WDTC1: variants seen among roughly 807,000 people sequenced by gnomAD.
WDTC1 encodes the protein WD and tetratricopeptide repeats protein 1.
WDTC1 carries 12 observed loss-of-function variants against 76.0 expected under a neutral mutation model. The observed-to-expected ratio is 0.16, with a 90% confidence interval of 0.10 to 0.26. The LOEUF (loss-of-function observed/expected upper bound fraction) is 0.26, where lower values mean the gene tolerates loss of function less well. WDTC1 is among the 10% of genes least tolerant of loss of function. WDTC1 has a pLI of 1.00. For missense variants in WDTC1, 511 were observed against 908.8 expected (o/e 0.56, Z 5.63); for synonymous variants, 326 against 350.8 (o/e 0.93, Z 0.79).
chr1:27,253,514 CTTTT>C (rs544974118), intron 1 of WDTC1, among the ~76,000 whole-genome samples: 25 of 129,942 alleles, frequency 1.9e-4, no homozygotes, highest in African/African-American at 6.5e-4. Context: ...TTCTTTCTTT[CTTTT>C]TTTTTTTTTT....
At chr1:27,278,405 T>G (rs2013091274) in intron 3 of WDTC1, among the ~76,000 whole-genome samples, 1 of 152,206 alleles carries the variant, frequency 6.6e-6, no homozygotes. Context: ...CTAGGAACTA[T>G]TCATTAATTC....
Position 27,303,466 on chromosome 1 carries a change from T to C in WDTC1, c.1469-155T>C, listed in dbSNP as rs1432147744. Among the ~76,000 whole-genome samples the C allele has an allele frequency of 6.6e-6, 1 of 152,180 alleles. No homozygotes were observed. The highest frequency in any genetic ancestry group is 1.5e-5 in the Non-Finnish European group (1 of 68,028). ...AGGGGCTAGATCCAAAGATGCATCT[T>C]CCTCACAACCTTTCCCCAGTTTTCC... On this transcript the variant is annotated intron_variant, in intron 13 of 15. Transcript: ENST00000319394. This position sits in a 1 kb window ranked among gnomAD's most constrained non-coding sequence, Gnocchi z 4.8.
Position 27,254,492 on chromosome 1 carries a change from G to A in WDTC1, c.-99-6464G>A, listed in dbSNP as rs984089386. ...TGCACTCCTGTAATCTCAGCTACTT[G>A]GGAGGCTGAGGCACGGAACCGCTTG... is the stretch of plus-strand genomic sequence containing the variant. On this transcript the variant is annotated intron_variant, in intron 1 of 15. Transcript: ENST00000319394. Among the ~76,000 whole-genome samples, 8 of 152,042 alleles carry A rather than the reference G, an allele frequency of 5.3e-5. No individual in the cohort carries two copies. The South Asian group carries it at 1.7e-3, about 31-fold the overall frequency.
Position 27,234,861 on chromosome 1 carries a change from GCC to G in WDTC1, c.-185_-184del, listed in dbSNP as rs1050862965. ...CCCCAGCCCCCTCCCCGGGATCCGC[GCC>G]CCCCTTCCCGGGAGAGGGGCCGCCC... On this transcript the variant is annotated 5_prime_UTR_variant, in exon 1 of 16. Transcript: ENST00000319394. 2 of 396,250 alleles carry G rather than the reference GCC, an allele frequency of 5.0e-6. No individual in the cohort carries two copies. The highest frequency in any genetic ancestry group is 8.9e-6 in the Non-Finnish European group (2 of 224,714). 24.5% of individuals were successfully genotyped at this position (396,250 alleles called of 1,614,324 possible).
intron 1 of WDTC1, among the ~76,000 whole-genome samples, chr1:27,239,559 C>T (rs1159370700): frequency 2.8e-5 from 4 of 145,048 alleles, no homozygotes; most frequent in Non-Finnish European, 4.5e-5. Flanking sequence ...TGCAGTGGCT[C>T]ATGCCTGTAA....
intron 12 of WDTC1, among the ~76,000 whole-genome samples, chr1:27,298,376 A>T (rs1290652130): frequency 2.0e-5 from 3 of 152,234 alleles, no homozygotes; most frequent in Non-Finnish European, 4.4e-5. Flanking sequence ...TCTACATGGC[A>T]TATTATTATA....
chr1:27,242,500 G>A lies in WDTC1; in HGVS notation c.-100+7549G>A, dbSNP rs768864395. Among the ~76,000 whole-genome samples the A allele has an allele frequency of 6.0e-5, 9 of 150,992 alleles. 1 individual carries two copies. Among genetic ancestry groups the A allele is most frequent in the African/African-American group, 2.2e-4 (9 of 41,154 alleles). Reference sequence around the variant, plus strand: ...TTTTTTGAGACGGAGACGGAGTTTCGCTCCTGTCGCCCAGGCTGGAGTGCA... The same window carrying A: ...TTTTTTGAGACGGAGACGGAGTTTCACTCCTGTCGCCCAGGCTGGAGTGCA... On this transcript the variant is annotated intron_variant, in intron 1 of 15. Coordinates refer to ENST00000319394, the MANE Select transcript of WDTC1 (RefSeq NM_001276252.2).
intron 13 of WDTC1, among the ~76,000 whole-genome samples, chr1:27,302,163 A>G (rs548945750): frequency 1.6e-4 from 25 of 152,316 alleles, no homozygotes; most frequent in Non-Finnish European, 2.6e-4. Context: ...TTGTTTAATG[A>G]ATAGTTATCA....
rs1211399294 is a variant in WDTC1 at position 27,292,280 on chromosome 1, G to A, written c.545G>A (p.Gly182Asp). The A allele has an allele frequency of 2.5e-6, 4 of 1,612,826 alleles. No individual in the cohort carries two copies. The highest frequency in any genetic ancestry group is 3.4e-6 in the Non-Finnish European group (4 of 1,179,516). ...CTGATTGACCTGACAGAGTACTGTG[G>A]CCAGCTGGTGGAGGCCAAGTGCCTC... The part of the protein sequence containing the change: ...EVLIDLTEYC[G>D]QLVEAKCLTV... The change falls in exon 7 of 16, where the codon GGC becomes GAC. Residue 182 changes from glycine (G) to aspartate (D), a missense_variant. Gly to Asp is a moderately conservative substitution (Grantham distance 94, BLOSUM62 -1). Coordinates refer to ENST00000319394, the MANE Select transcript of WDTC1 (RefSeq NM_001276252.2).
intron 3 of WDTC1, among the ~76,000 whole-genome samples, chr1:27,280,014 C>T (rs2013145309): frequency 6.6e-6 from 1 of 152,180 alleles, no homozygotes; most frequent in Non-Finnish European, 1.5e-5. Context: ...AGGCTATCTA[C>T]AATTATTATC....
At chr1:27,273,460 A>T (rs1235673784) in intron 3 of WDTC1, among the ~76,000 whole-genome samples, 1 of 152,174 alleles carries the variant, frequency 6.6e-6, no homozygotes, top group African/African-American at 2.4e-5. Context: ...TGCCTGCCTC[A>T]GCCTCCCAAA....
intron 3 of WDTC1, among the ~76,000 whole-genome samples, chr1:27,269,853 G>A (rs995315753): frequency 6.6e-6 from 1 of 151,700 alleles, no homozygotes; most frequent in Non-Finnish European, 1.5e-5. Context: ...CTTGTGATCC[G>A]CCTGCCTCGA....
chr1:27,282,863 G>GCCGA (rs1340256377), intron 4 of WDTC1, among the ~76,000 whole-genome samples: 2 of 151,818 alleles, frequency 1.3e-5, no homozygotes, highest in Non-Finnish European at 2.9e-5. Context: ...TTCTTGGCCG[G>GCCGA]GCGTAGTGGC....
rs113285874 is a variant in WDTC1 at position 27,237,721 on chromosome 1, C to T, written c.-100+2770C>T. Among the ~76,000 whole-genome samples, 470 of 152,028 alleles carry T rather than the reference C, an allele frequency of 3.1e-3. 5 individuals are homozygous for T. Among genetic ancestry groups the T allele is most frequent in the African/African-American group, 0.011 (451 of 41,464 alleles). ...AAAAAATTAGCCGGGCATGGTGGCA[C>T]GCGCCTGTAGTCCCAGCTACTCAGG... On this transcript the variant is annotated intron_variant, in intron 1 of 15. Transcript: ENST00000319394.
chr1:27,249,361 T>G (rs957538341), intron 1 of WDTC1, among the ~76,000 whole-genome samples: 5 of 152,146 alleles, frequency 3.3e-5, no homozygotes, highest in Non-Finnish European at 5.9e-5. Context: ...CCTATTTCTA[T>G]TCTATTTTGT....
intron 3 of WDTC1, among the ~76,000 whole-genome samples, chr1:27,269,339 CAAA>C (rs749716965): frequency 3.6e-5 from 4 of 111,872 alleles, no homozygotes; most frequent in African/African-American, 6.8e-5. Context: ...GGGACTGCCT[CAAA>C]AAAAAAAAAA....
chr1:27,306,198 A>T lies in WDTC1; in HGVS notation c.1849A>T (p.Thr617Ser), dbSNP rs760958684. 1.9e-6 allele frequency: 3 copies of T among 1,613,762 alleles called. No homozygotes were observed. Among genetic ancestry groups the T allele is most frequent in the Non-Finnish European group, 2.5e-6 (3 of 1,179,940 alleles). ...TTCTCCACCACAGAGTGAAGACCTC[A>T]CAGGCCGAGTCGTGGAAGATATGGA... is the stretch of plus-strand genomic sequence containing the variant. ...WNPRPESEDL[T>S]GRVVEDMEGA... The change falls in exon 16 of 16, where the codon ACA (threonine) becomes TCA (serine). Residue 617 changes from threonine (T) to serine (S), a missense_variant. Coordinates refer to ENST00000319394, the MANE Select transcript of WDTC1 (RefSeq NM_001276252.2). The surrounding 1 kb of genome is among the most constrained non-coding windows in gnomAD (Gnocchi z 5.0).
chr1:27,290,137 A>T (rs2013493893), intron 6 of WDTC1, among the ~76,000 whole-genome samples: 1 of 152,174 alleles, frequency 6.6e-6, no homozygotes, highest in African/African-American at 2.4e-5. Flanking sequence ...GTTGGAGTGC[A>T]GTGGCGTGAT....
At chr1:27,239,074 T>G (rs1030189647) in intron 1 of WDTC1, among the ~76,000 whole-genome samples, 2 of 149,368 alleles carry the variant, frequency 1.3e-5, no homozygotes, top group African/African-American at 4.9e-5. Context: ...GGCTAATTTT[T>G]TAATTTTTTC....
Sources: gnomAD v4.1 joint callset for allele counts (sites outside exome capture counted in the v4.1 genomes callset) on GRCh38, gnomAD v4.1.1 for gene constraint, Gnocchi (gnomAD v3.1) non-coding constraint, MANE v1.5 for transcripts, NCBI Gene and HGNC (gene_info 2026-07-23, HGNC 2026-07-21) for gene names.